EYS: variants seen among roughly 807,000 people sequenced by gnomAD.
EYS encodes EGF-like photoreceptor maintenance factor.
EYS carries 250 observed loss-of-function variants against 282.1 expected under a neutral mutation model. That is an observed-to-expected ratio of 0.89 (90% CI 0.80 to 0.98). EYS has a LOEUF of 0.98. EYS is among the 50% of genes least tolerant of loss of function. EYS has a pLI of 0.00. For missense variants in EYS, 4,016 were observed against 3,709.0 expected, an observed-to-expected ratio of 1.08 and a Z score of -2.15; for synonymous variants, 1,355 against 1,282.9, an observed-to-expected ratio of 1.06 and a Z score of -1.20.
At chr6:65,555,879 T>C (rs1413056072) in intron 2 of EYS, among the ~76,000 whole-genome samples, 2 of 152,198 alleles carry the variant, frequency 1.3e-5, no homozygotes, top group Non-Finnish European at 2.9e-5. Context: ...AATATCTCAA[T>C]AAGGCAATTG....
chr6:65,101,241 T>C (rs1774884908), intron 12 of EYS, among the ~76,000 whole-genome samples: 2 of 151,128 alleles, frequency 1.3e-5, no homozygotes, highest in Non-Finnish European at 3.0e-5. Context: ...AACGAGGCAA[T>C]ATAATATTGA....
chr6:65,330,092 ATTACT>A (rs1453606788), intron 11 of EYS: 5 of 981,214 alleles, frequency 5.1e-6, no homozygotes, highest in Admixed American at 6.2e-5. Flanking sequence ...GAAAAAAATA[ATTACT>A]TTAGTACTTT....
intron 29 of EYS, among the ~76,000 whole-genome samples, chr6:64,329,763 C>A (rs533978676): frequency 3.9e-5 from 6 of 152,160 alleles, no homozygotes; most frequent in Admixed American, 3.3e-4. Context: ...GGTGTTAAAG[C>A]CCCCCGGAGA....
At chr6:65,164,583 T>G (rs1472944138) in intron 12 of EYS, among the ~76,000 whole-genome samples, 1 of 151,366 alleles carries the variant, frequency 6.6e-6, no homozygotes, top group Non-Finnish European at 1.5e-5. Context: ...CTATCTATCT[T>G]TATTATCTTG....
chr6:63,838,691 C>T (rs1246532825), intron 36 of EYS, among the ~76,000 whole-genome samples: 2 of 152,244 alleles, frequency 1.3e-5, no homozygotes, highest in Non-Finnish European at 1.5e-5. Context: ...TATCCATCTC[C>T]CACATAGGAT....
intron 13 of EYS, among the ~76,000 whole-genome samples, chr6:65,026,779 T>C (rs1772422586): frequency 6.6e-6 from 1 of 151,864 alleles, no homozygotes; most frequent in Non-Finnish European, 1.5e-5. Context: ...TAGCTGGGCG[T>C]GGTGGCGGGC....
intron 12 of EYS, among the ~76,000 whole-genome samples, chr6:65,148,565 T>C (rs899567490): frequency 1.3e-5 from 2 of 152,062 alleles, no homozygotes; most frequent in African/African-American, 4.8e-5. Flanking sequence ...CTGCAGTTTT[T>C]CTGGGTACAT....
At chr6:64,203,796 A>G (rs572956079) in intron 31 of EYS, among the ~76,000 whole-genome samples, 5 of 152,362 alleles carry the variant, frequency 3.3e-5, no homozygotes, top group African/African-American at 1.2e-4. Context: ...GACTCATAGT[A>G]GGCACTCCAT....
chr6:64,136,111 C>T (rs898269734), intron 31 of EYS, among the ~76,000 whole-genome samples: 3 of 151,408 alleles, frequency 2.0e-5, no homozygotes, highest in African/African-American at 7.3e-5. Flanking sequence ...AACAATGTTC[C>T]CAGCATCTTC....
Position 64,154,440 on chromosome 6 carries a change from C to CAAA in EYS, c.6425-72441_6425-72439dup, listed in dbSNP as rs397819570. 6.5e-3 allele frequency among the ~76,000 whole-genome samples: 388 copies of CAAA among 59,368 alleles called. 5 individuals carry two copies. The highest frequency in any genetic ancestry group is 0.035 in the East Asian group (59 of 1,662). The allele number at this position is 59,368 out of a possible 152,430, so 38.9% of individuals were successfully genotyped here. ...GGGCAATAAGTGGGAAACTCCGTCT[C>CAAA]AAAAAAAAAAAAAAAAAAAAAAAAT... On this transcript the variant is annotated intron_variant, in intron 31 of 42. Coordinates refer to ENST00000503581, the MANE Select transcript of EYS (RefSeq NM_001142800.2).
rs115551542 is a variant in EYS, at chr6:64,029,539, C to A, written c.6726-30356G>T. ...AAATGCACGTGTGTGGCCCTCAACC[C>A]TGACACTTTTCTCCCAGAGGATGGG... On this transcript the variant is annotated intron_variant, in intron 33 of 42. Coordinates refer to ENST00000503581, the MANE Select transcript of EYS (RefSeq NM_001142800.2). Among the ~76,000 whole-genome samples, 1,225 of 152,306 alleles carry A rather than the reference C, an allele frequency of 8.0e-3. 13 individuals carry two copies. Among genetic ancestry groups the A allele is most frequent in the African/African-American group, 0.027 (1,128 of 41,550 alleles).
At chr6:64,130,954 G>A (rs527832330) in intron 31 of EYS, among the ~76,000 whole-genome samples, 3 of 152,212 alleles carry the variant, frequency 2.0e-5, no homozygotes, top group African/African-American at 4.8e-5. Flanking sequence ...TGCAACCTCC[G>A]CCTCCTGGGT....
chr6:63,803,568 C>A (rs1487501843), intron 37 of EYS, among the ~76,000 whole-genome samples: 3 of 152,152 alleles, frequency 2.0e-5, no homozygotes, highest in African/African-American at 7.2e-5. Flanking sequence ...AGGAGGGGAA[C>A]CGCTGGGGAA....
Position 63,950,311 on chromosome 6 carries a change from C to T in EYS, c.7055+34072G>A, listed in dbSNP as rs183976952. On this transcript the variant is annotated intron_variant, in intron 35 of 42. Transcript: ENST00000503581. ...GAATCACAAAAGAAGTGAAAATGTCCGGTTCCTGCCTTAACTGATGACATT... is the reference window on the plus strand; with the variant it reads ...GAATCACAAAAGAAGTGAAAATGTCTGGTTCCTGCCTTAACTGATGACATT... Among the ~76,000 whole-genome samples, 71 of 152,180 alleles carry T rather than the reference C, an allele frequency of 4.7e-4. 1 individual carries two copies. The highest frequency in any genetic ancestry group is 6.8e-3 in the Middle Eastern group (2 of 294).
At chr6:65,218,934 T>C (rs998604175) in intron 12 of EYS, among the ~76,000 whole-genome samples, 3 of 152,024 alleles carry the variant, frequency 2.0e-5, no homozygotes, top group Non-Finnish European at 4.4e-5. Flanking sequence ...TGAACAGTGA[T>C]AGAAATCAAG....
chr6:65,125,654 C>T (rs1395184153), intron 12 of EYS, among the ~76,000 whole-genome samples: 1 of 152,102 alleles, frequency 6.6e-6, no homozygotes, highest in Non-Finnish European at 1.5e-5. Context: ...CATCTCACTC[C>T]TCCTTGCTCT....
intron 26 of EYS, among the ~76,000 whole-genome samples, chr6:64,538,771 C>T (rs968103208): frequency 2.6e-5 from 4 of 152,260 alleles, no homozygotes; most frequent in African/African-American, 9.6e-5. Flanking sequence ...GACCACATTA[C>T]AGATCTTTTT....
At position 64,238,882 on chromosome 6, in the gene EYS, C is replaced by A. The variant is rs574762216; in HGVS notation, c.6192-8058G>T. On this transcript the variant is annotated intron_variant, in intron 30 of 42. Transcript: ENST00000503581. ...CCCATCATCTACATTAGGCATTTCT[C>A]CTAATGCTATCCCTCCACTAGCTCC... is the stretch of plus-strand genomic sequence containing the variant. Among the ~76,000 whole-genome samples the A allele has an allele frequency of 2.0e-5, 3 of 152,278 alleles. No individual in the cohort carries two copies. The South Asian group carries it at 6.2e-4, about 32-fold the overall frequency.
intron 41 of EYS, among the ~76,000 whole-genome samples, chr6:63,748,693 G>T (rs978609181): frequency 1.3e-5 from 2 of 151,880 alleles, no homozygotes; most frequent in Non-Finnish European, 2.9e-5. Flanking sequence ...AGGGATTCAG[G>T]TTCTTTCTGG....
Sources: gnomAD v4.1 joint callset for allele counts (sites outside exome capture counted in the v4.1 genomes callset) on GRCh38, gnomAD v4.1.1 for gene constraint, MANE v1.5 for transcripts, NCBI Gene and HGNC (gene_info 2026-07-23, HGNC 2026-07-21) for gene names.